CSTPP1: variants seen among roughly 807,000 people sequenced by gnomAD.
The protein encoded by CSTPP1 is UPF0705 protein C11orf49.
the CSTPP1 span, among the ~76,000 whole-genome samples, chr11:46,988,823 A>G: frequency 4.5e-4 from 69 of 152,300 alleles, no homozygotes; most frequent in African/African-American, 1.6e-3. Flanking sequence ...AAAACATATT[A>G]TGTGCCCTAA....
the CSTPP1 span, among the ~76,000 whole-genome samples, chr11:46,956,846 G>T: frequency 6.6e-6 from 1 of 150,728 alleles, no homozygotes; most frequent in Non-Finnish European, 1.5e-5. Flanking sequence ...ATAATTTTTG[G>T]TTAAATCAAT....
the CSTPP1 span, among the ~76,000 whole-genome samples, chr11:46,999,510 A>G: frequency 6.6e-6 from 1 of 152,120 alleles, no homozygotes; most frequent in Non-Finnish European, 1.5e-5. Flanking sequence ...TAACCAGATC[A>G]TATTTGGAGG....
At chr11:46,987,485 A>C in the CSTPP1 span, 2 of 494,212 alleles carry the variant, frequency 4.0e-6, no homozygotes, top group South Asian at 2.1e-5. Flanking sequence ...CCTTTGGTGC[A>C]GCTAGTTTGT....
the CSTPP1 span, among the ~76,000 whole-genome samples, chr11:47,141,671 C>T: frequency 2.0e-5 from 3 of 151,126 alleles, no homozygotes; most frequent in South Asian, 6.3e-4. Flanking sequence ...TAGTGGCTCA[C>T]GCCTGTAATC....
chr11:46,981,107 G>A, the CSTPP1 span, among the ~76,000 whole-genome samples: 3 of 151,944 alleles, frequency 2.0e-5, no homozygotes, highest in Admixed American at 6.5e-5. Context: ...AAGGAAACAC[G>A]TACAAGAATG....
At chr11:47,119,891 G>A in the CSTPP1 span, among the ~76,000 whole-genome samples, 8 of 152,070 alleles carry the variant, frequency 5.3e-5, no homozygotes, top group Non-Finnish European at 1.2e-4. Context: ...GATTACAGGC[G>A]TGAGCCACCA....
chr11:47,095,745 A>G, the CSTPP1 span, among the ~76,000 whole-genome samples: 1,749 of 152,314 alleles, frequency 0.011, 21 homozygotes, highest in Non-Finnish European at 0.017. Context: ...TTATTTGCCT[A>G]TTTTATTTAT....
the CSTPP1 span, among the ~76,000 whole-genome samples, chr11:47,046,282 GA>G: frequency 8.0e-3 from 445 of 55,916 alleles, 3 homozygotes; most frequent in Middle Eastern, 0.022. Flanking sequence ...TCCACCAAAA[GA>G]AAAAAAAAAA....
the CSTPP1 span, among the ~76,000 whole-genome samples, chr11:46,951,871 T>C: frequency 6.6e-6 from 1 of 152,226 alleles, no homozygotes; most frequent in Non-Finnish European, 1.5e-5. Context: ...TTTATAGCTA[T>C]TAATTAATAA....
At chr11:47,082,668 C>A in the CSTPP1 span, among the ~76,000 whole-genome samples, 1 of 152,036 alleles carries the variant, frequency 6.6e-6, no homozygotes, top group African/African-American at 2.4e-5. Flanking sequence ...TTTCATCAAG[C>A]CCCCTCTGCC....
the CSTPP1 span, among the ~76,000 whole-genome samples, chr11:47,135,828 A>G: frequency 6.6e-6 from 1 of 152,194 alleles, no homozygotes; most frequent in Admixed American, 6.5e-5. Context: ...AGAAGCACGC[A>G]GTGATTTTTG....
chr11:47,087,576 G>A, the CSTPP1 span, among the ~76,000 whole-genome samples: 2 of 152,164 alleles, frequency 1.3e-5, no homozygotes, highest in African/African-American at 4.8e-5. Context: ...GTGCGGGCCT[G>A]TAATCCCAGC....
At chr11:47,004,587 T>C in the CSTPP1 span, 1 of 152,236 alleles carries the variant, frequency 6.6e-6, no homozygotes, top group East Asian at 1.9e-4. Context: ...TCACTCATCA[T>C]TTAGTTCATT....
At chr11:47,136,355 G>T in the CSTPP1 span, among the ~76,000 whole-genome samples, 5 of 152,112 alleles carry the variant, frequency 3.3e-5, no homozygotes, top group Admixed American at 3.3e-4. Flanking sequence ...AAGACCTCCT[G>T]CCAGGCTGTG....
chr11:47,156,980 G>T, the CSTPP1 span: 1 of 1,604,136 alleles, frequency 6.2e-7, no homozygotes, highest in Non-Finnish European at 8.5e-7. Context: ...TGTCCTCCCT[G>T]CCTGAGCCGT....
chr11:46,963,253 G>A, the CSTPP1 span, among the ~76,000 whole-genome samples: 1 of 150,438 alleles, frequency 6.6e-6, no homozygotes, highest in South Asian at 2.1e-4. Context: ...AACTGGGGGA[G>A]TTTTGTAGAT....
the CSTPP1 span, among the ~76,000 whole-genome samples, chr11:47,036,242 T>A: frequency 2.2e-5 from 1 of 45,178 alleles, no homozygotes; most frequent in Non-Finnish European, 4.5e-5. Context: ...TATATTATAT[T>A]TATATATTAT....
the CSTPP1 span, among the ~76,000 whole-genome samples, chr11:47,047,087 T>C: frequency 6.6e-6 from 1 of 151,506 alleles, no homozygotes; most frequent in Non-Finnish European, 1.5e-5. Flanking sequence ...TTTTAGTAGA[T>C]ACAGGGTTTC....
At chr11:47,076,433 C>G in the CSTPP1 span, among the ~76,000 whole-genome samples, 1 of 152,304 alleles carries the variant, frequency 6.6e-6, no homozygotes, top group Admixed American at 6.5e-5. Context: ...CCAATTCATT[C>G]AGATAACCAG....
Sources: allele counts gnomAD v4.1 joint callset (sites outside exome capture counted in the v4.1 genomes callset), GRCh38; gene constraint gnomAD v4.1.1; transcripts MANE v1.5; gene names NCBI Gene and HGNC (gene_info 2026-07-23, HGNC 2026-07-21).